SASH1: variants seen among roughly 807,000 people sequenced by gnomAD.
SASH1 encodes SAM and SH3 domain containing 1, also known as SAM and SH3 domain-containing protein 1.
SASH1 carries 44 observed loss-of-function variants against 125.2 expected under a neutral mutation model. The observed-to-expected ratio is 0.35, with a 90% CI of 0.28 to 0.45. The LOEUF (loss-of-function observed/expected upper bound fraction) is 0.45, where lower values mean the gene tolerates loss of function less well. Ranked by LOEUF, SASH1 falls within the 20% of genes least tolerant of loss-of-function variation. SASH1 has a pLI of 1.00. For missense variants in SASH1, 1,426 were observed against 1,614.5 expected, an observed-to-expected ratio of 0.88 and a Z score of 2.00; for synonymous variants, 639 against 649.1, an observed-to-expected ratio of 0.98 and a Z score of 0.24.
At chr6:148,349,938 C>T (rs962286230) in intron 1 of SASH1, among the ~76,000 whole-genome samples, 4 of 151,824 alleles carry the variant, frequency 2.6e-5, no homozygotes, top group African/African-American at 7.3e-5. Context: ...CTCCTCCTCC[C>T]GGGTTCATGT....
In SASH1 at chr6:148,543,920, C is replaced by T; in HGVS notation, c.2450C>T (p.Ser817Phe). The change falls in exon 18 of 20, where the codon TCC becomes TTC. Residue 817 changes from serine (S) to phenylalanine (F), a missense_variant. Coordinates refer to ENST00000367467, the MANE Select transcript of SASH1 (RefSeq NM_015278.5). Reference sequence around the variant, plus strand: ...AAAAACCGAAGAAGCCTCCCAGTTTCCATCTGCCGGAGCTGTGAGACCCTG... The same window carrying T: ...AAAAACCGAAGAAGCCTCCCAGTTTTCATCTGCCGGAGCTGTGAGACCCTG... ...LNKNRRSLPVSICRSCETLEG... is the reference protein window; with the variant it reads ...LNKNRRSLPVFICRSCETLEG... 6.2e-7 allele frequency: 1 copy of T among 1,614,206 alleles called. No homozygotes were observed. Among genetic ancestry groups the T allele is most frequent in the Non-Finnish European group, 8.5e-7 (1 of 1,180,044 alleles).
At chr6:148,526,917 G>C (rs1207535770) in intron 11 of SASH1, among the ~76,000 whole-genome samples, 2 of 150,496 alleles carry the variant, frequency 1.3e-5, no homozygotes, top group East Asian at 3.9e-4. Context: ...CTGTCGCCCA[G>C]GCTGGAGTGC....
At chr6:148,423,602 T>C (rs775421160) in intron 2 of SASH1, among the ~76,000 whole-genome samples, 24 of 152,254 alleles carry the variant, frequency 1.6e-4, no homozygotes, top group Non-Finnish European at 2.8e-4. Context: ...CCAATCTGCA[T>C]ACTAATCAGT....
the SASH1 span, among the ~76,000 whole-genome samples, chr6:148,223,332 T>C: frequency 6.6e-6 from 1 of 152,360 alleles, no homozygotes; most frequent in East Asian, 1.9e-4. Context: ...CTTAGAACAG[T>C]GCTTTGAATA....
intron 3 of SASH1, 33 bp downstream of exon 3, chr6:148,440,267 C>T (rs758685827): frequency 5.6e-6 from 9 of 1,612,284 alleles, no homozygotes; most frequent in South Asian, 2.2e-5. Context: ...TCTAGTTTTG[C>T]TTCTGCCTTT....
chr6:148,514,341 T>A lies in SASH1; in HGVS notation c.747T>A (p.Asp249Glu). Residue 249 changes from aspartate (D) to glutamate (E), a missense_variant, in exon 9 of 20, where the codon GAT (aspartate) becomes GAA (glutamate). By Grantham distance (45) the Asp-to-Glu change is conservative. Coordinates refer to ENST00000367467, the MANE Select transcript of SASH1 (RefSeq NM_015278.5). ...SSNCNSREQS[D>E]DETEESVKFK... Reference sequence around the variant, plus strand: ...TTTGCCAGTCAAGAGAACAATCGGATGATGAGACTGAGGAGTCGGTGAAGT... The same window carrying A: ...TTTGCCAGTCAAGAGAACAATCGGAAGATGAGACTGAGGAGTCGGTGAAGT... 1 of 1,607,894 alleles carries A rather than the reference T, an allele frequency of 6.2e-7. No individual in the cohort carries two copies. The highest frequency in any genetic ancestry group is 8.5e-7 in the Non-Finnish European group (1 of 1,178,496).
In SASH1 at chr6:148,284,424, G is replaced by A. The variant is rs564609941; in HGVS notation, n.74+12047G>A. Among the ~76,000 whole-genome samples, 7 of 152,192 alleles carry A rather than the reference G, an allele frequency of 4.6e-5. No homozygotes were observed. The South Asian group carries it at 8.3e-4, about 18-fold the overall frequency. ...ATTGCACTCCAGCCTGGGTGACAGA[G>A]TAAGACTCCATCCCAAAAAAAAATA... On this transcript the variant is annotated intron_variant and non_coding_transcript_variant, in intron 1 of 3. Transcript: ENST00000367469.
chr6:148,298,752 G>A (rs1393921568), intron 1 of SASH1, among the ~76,000 whole-genome samples: 3 of 113,054 alleles, frequency 2.7e-5, no homozygotes, highest in Non-Finnish European at 5.5e-5. Flanking sequence ...GGAAAGGAAG[G>A]AAGAAAAGAG....
chr6:148,208,072 TC>T, the SASH1 span, among the ~76,000 whole-genome samples: 1 of 152,178 alleles, frequency 6.6e-6, no homozygotes, highest in East Asian at 1.9e-4. Context: ...CCCCACCTCT[TC>T]CTGCTTCCTC....
upstream of SASH1, among the ~76,000 whole-genome samples, chr6:148,339,478 A>G (rs184699262): frequency 1.3e-4 from 20 of 151,978 alleles, no homozygotes; most frequent in Non-Finnish European, 2.6e-4. Flanking sequence ...AAGTGCCAAA[A>G]TGCTGGCTAA....
intron 2 of SASH1, chr6:148,393,827 T>C (rs898390089): frequency 5.3e-6 from 3 of 569,766 alleles, no homozygotes; most frequent in Non-Finnish European, 6.7e-6. Flanking sequence ...TGACTGTTCA[T>C]TCTTTAAATT....
chr6:148,241,435 T>C, the SASH1 span, among the ~76,000 whole-genome samples: 1 of 152,216 alleles, frequency 6.6e-6, no homozygotes, highest in African/African-American at 2.4e-5. Flanking sequence ...AGAATTGTCT[T>C]AAAATACATG....
intron 1 of SASH1, among the ~76,000 whole-genome samples, chr6:148,384,682 A>G (rs1258925745): frequency 6.6e-6 from 1 of 152,236 alleles, no homozygotes; most frequent in Non-Finnish European, 1.5e-5. Context: ...GAATAAGCTG[A>G]ATAAAAATAA....
intron 1 of SASH1, among the ~76,000 whole-genome samples, chr6:148,357,502 G>A (rs568724453): frequency 1.3e-5 from 2 of 152,168 alleles, no homozygotes; most frequent in South Asian, 2.1e-4. Flanking sequence ...CACAGTCTGG[G>A]TTTTCCCAGT....
Position 148,525,286 on chromosome 6 carries a change from C to A in SASH1, c.1210-5C>A, listed in dbSNP as rs555522202. ...AGTTTTTCTGCCCTACCCTCTTTTCCACAGAGAACCTGCAGTTTTGGAGGA... is the reference window on the plus strand; with the variant it reads ...AGTTTTTCTGCCCTACCCTCTTTTCAACAGAGAACCTGCAGTTTTGGAGGA... On this transcript the variant is annotated splice_polypyrimidine_tract_variant and splice_region_variant and intron_variant, in intron 10 of 19. Transcript: ENST00000367467. 1 of 1,613,626 alleles carries A rather than the reference C, an allele frequency of 6.2e-7. No individual in the cohort carries two copies. Among genetic ancestry groups the A allele is most frequent in the Non-Finnish European group, 8.5e-7 (1 of 1,179,666 alleles).
intron 1 of SASH1, among the ~76,000 whole-genome samples, chr6:148,318,766 T>A (rs1780551238): frequency 6.6e-6 from 1 of 151,988 alleles, no homozygotes; most frequent in Admixed American, 6.6e-5. Flanking sequence ...TTGACCAGGA[T>A]GGTCTCGATC....
At chr6:148,377,171 AAAAAAAAAAAAAC>A (rs1273794088) in intron 1 of SASH1, among the ~76,000 whole-genome samples, 1 of 70,432 alleles carries the variant, frequency 1.4e-5, no homozygotes. Context: ...CTCCGTCTCA[AAAAAAAAAAAAAC>A]AAAAAAAAAA....
At chr6:148,463,909 A>C (rs1234760814) in intron 4 of SASH1, among the ~76,000 whole-genome samples, 1 of 152,248 alleles carries the variant, frequency 6.6e-6, no homozygotes, top group African/African-American at 2.4e-5. Context: ...TTGACTCTGC[A>C]GTCGCCCTTC....
chr6:148,551,654 T>TA lies in SASH1; in HGVS notation c.*3097dup, dbSNP rs1782882318. 6.6e-6 allele frequency: 1 copy of TA among 152,546 alleles called. No homozygotes were observed. The highest frequency in any genetic ancestry group is 6.5e-5 in the Admixed American group (1 of 15,290). The allele number at this position is 152,546 out of a possible 1,614,324, so 9.4% of individuals were successfully genotyped here. On this transcript the variant is annotated 3_prime_UTR_variant, in exon 20 of 20. Transcript: ENST00000367467. ...TGCCAAGTCACTGCTGCCATGTGTG[T>TA]ACTGTATTATTTTCAGAAAAAAATA...
Sources: allele counts gnomAD v4.1 joint callset (sites outside exome capture counted in the v4.1 genomes callset), GRCh38; gene constraint gnomAD v4.1.1; transcripts MANE v1.5; gene names NCBI Gene and HGNC (gene_info 2026-07-23, HGNC 2026-07-21).